Variants in SLC30A8 observed in about 807,000 individuals in gnomAD.
SLC30A8 encodes solute carrier family 30 member 8, also known as proton-coupled zinc antiporter SLC30A8.
In SLC30A8, 27 loss-of-function variants were observed where a neutral mutation model predicts 36.9. The ratio of observed to expected loss-of-function variants is 0.73; its 90% CI spans 0.54 to 1.01. SLC30A8 has a LOEUF of 1.01. Ranked by LOEUF, SLC30A8 falls within the 50% of genes least tolerant of loss-of-function variation. The probability of loss-of-function intolerance (pLI) is 0.00; values close to 1 mark genes in which losing one functional copy is unlikely to be tolerated. For synonymous variants in SLC30A8, 164 were observed against 172.4 expected (o/e 0.95, Z 0.38); for missense variants, 439 against 452.0 (o/e 0.97, Z 0.26).
In SLC30A8 at chr8:117,174,130, G is replaced by A. The variant is rs1823546235; in HGVS notation, c.*1449G>A. ...TGATTTTTAAAACTACATACTTTTT[G>A]CAACTTTATGGTTATGAGTATTGTA... On this transcript the variant is annotated 3_prime_UTR_variant, in exon 8 of 8. Transcript: ENST00000456015. 2.0e-5 allele frequency: 3 copies of A among 152,062 alleles called. No individual in the cohort carries two copies. The highest frequency in any genetic ancestry group is 4.8e-5 in the African/African-American group (2 of 41,404). The allele number at this position is 152,062 out of a possible 1,614,324, so 9.4% of individuals were successfully genotyped here. A position where few individuals can be genotyped will look rare whatever the true frequency, so the allele number is the denominator to read the frequency against.
intron 1 of SLC30A8, among the ~76,000 whole-genome samples, chr8:116,967,566 T>C (rs1325992527): frequency 1.3e-5 from 2 of 152,190 alleles, no homozygotes; most frequent in Non-Finnish European, 2.9e-5. Flanking sequence ...ATCTGCAACA[T>C]GTAATACTGT....
chr8:117,001,204 C>CT (rs34639384), intron 1 of SLC30A8, among the ~76,000 whole-genome samples: 28,031 of 78,246 alleles, frequency 0.36, 4,253 homozygotes, highest in Non-Finnish European at 0.45. Flanking sequence ...TTGCTAGGGG[C>CT]TTTTTTTTTT....
At chr8:117,149,419 C>T (rs1006237534) in intron 2 of SLC30A8, among the ~76,000 whole-genome samples, 1 of 151,942 alleles carries the variant, frequency 6.6e-6, no homozygotes, top group Admixed American at 6.6e-5. Flanking sequence ...TTAATTAATC[C>T]CGGTGAATTC....
At chr8:117,022,276 A>G (rs917802548) in intron 1 of SLC30A8, among the ~76,000 whole-genome samples, 11 of 152,126 alleles carry the variant, frequency 7.2e-5, no homozygotes, top group African/African-American at 2.7e-4. Context: ...AAATTTTTTT[A>G]AACAGGTCAA....
intron 1 of SLC30A8, among the ~76,000 whole-genome samples, chr8:117,018,673 C>T (rs1009687719): frequency 2.6e-3 from 325 of 124,994 alleles, no homozygotes; most frequent in African/African-American, 9.2e-3. Flanking sequence ...GCCCCCCCCC[C>T]CCTTTTTTTT....
intron 6 of SLC30A8, among the ~76,000 whole-genome samples, chr8:117,170,391 T>C (rs1823310893): frequency 6.6e-6 from 1 of 152,184 alleles, no homozygotes; most frequent in African/African-American, 2.4e-5. Flanking sequence ...ACATCTCTTC[T>C]ACAGCATCCT....
intron 1 of SLC30A8, among the ~76,000 whole-genome samples, chr8:116,961,353 C>CG (rs1814412570): frequency 6.6e-6 from 1 of 152,060 alleles, no homozygotes; most frequent in Non-Finnish European, 1.5e-5. Context: ...GGCTTAAACC[C>CG]GGGAGGCAGA....
chr8:117,070,161 G>C (rs1190046021), intron 2 of SLC30A8, among the ~76,000 whole-genome samples: 1 of 152,108 alleles, frequency 6.6e-6, no homozygotes, highest in African/African-American at 2.4e-5. Context: ...TGATTGCTGA[G>C]AAACAAAACA....
At chr8:117,054,712 T>TCC (rs1476476800) in intron 2 of SLC30A8, among the ~76,000 whole-genome samples, 3 of 149,418 alleles carry the variant, frequency 2.0e-5, no homozygotes. Flanking sequence ...ATATGAGGTA[T>TCC]TCCAGAAAAA....
At chr8:117,001,068 C>T (rs900637943) in intron 1 of SLC30A8, among the ~76,000 whole-genome samples, 1 of 151,984 alleles carries the variant, frequency 6.6e-6, no homozygotes, top group Non-Finnish European at 1.5e-5. Context: ...CCTTACCTTC[C>T]GTGTATCAGG....
At chr8:117,050,343 G>C (rs186941291) in intron 2 of SLC30A8, among the ~76,000 whole-genome samples, 1 of 152,212 alleles carries the variant, frequency 6.6e-6, no homozygotes, top group Admixed American at 6.5e-5. Flanking sequence ...ATGCAAATGA[G>C]GGGGAGCAAG....
intron 1 of SLC30A8, among the ~76,000 whole-genome samples, chr8:116,985,284 T>TCACACACA (rs1248530764): frequency 7.4e-5 from 9 of 121,290 alleles, no homozygotes; most frequent in African/African-American, 3.0e-4. Flanking sequence ...ATGTGCATGC[T>TCACACACA]CACACACATA....
intron 2 of SLC30A8, among the ~76,000 whole-genome samples, chr8:117,076,080 A>G (rs1205813936): frequency 6.6e-6 from 1 of 152,104 alleles, no homozygotes; most frequent in Non-Finnish European, 1.5e-5. Context: ...ATTTAAACCA[A>G]TTTTAATTCT....
At chr8:116,966,494 T>C (rs1310486860) in intron 1 of SLC30A8, among the ~76,000 whole-genome samples, 5 of 152,070 alleles carry the variant, frequency 3.3e-5, no homozygotes, top group African/African-American at 9.7e-5. Flanking sequence ...CCTATAAACA[T>C]GTTTTGCCTT....
chr8:117,105,897 A>G (rs995549391), intron 2 of SLC30A8, among the ~76,000 whole-genome samples: 1 of 152,174 alleles, frequency 6.6e-6, no homozygotes, highest in Non-Finnish European at 1.5e-5. Flanking sequence ...TTTCCAGATT[A>G]TTTCTCTTAA....
intron 1 of SLC30A8, among the ~76,000 whole-genome samples, chr8:116,997,717 G>A (rs1323012147): frequency 6.6e-6 from 1 of 152,170 alleles, no homozygotes; most frequent in East Asian, 1.9e-4. Flanking sequence ...TTTGGAATGA[G>A]GAACAGGTAG....
At chr8:117,004,523 C>T (rs1816110696) in intron 1 of SLC30A8, among the ~76,000 whole-genome samples, 1 of 152,016 alleles carries the variant, frequency 6.6e-6, no homozygotes, top group Non-Finnish European at 1.5e-5. Context: ...GAGCGTGTCC[C>T]TGTCTATATG....
At chr8:116,966,037 C>A (rs1161176197) in intron 1 of SLC30A8, among the ~76,000 whole-genome samples, 1 of 151,974 alleles carries the variant, frequency 6.6e-6, no homozygotes, top group Non-Finnish European at 1.5e-5. Flanking sequence ...GCACACACCA[C>A]CATGCCTGGC....
intron 1 of SLC30A8, among the ~76,000 whole-genome samples, chr8:117,005,623 A>G (rs960048667): frequency 1.3e-5 from 2 of 152,188 alleles, no homozygotes; most frequent in African/African-American, 4.8e-5. Context: ...TGATAACTCT[A>G]TGTTTAACCT....
Sources: gnomAD v4.1 joint callset for allele counts (sites outside exome capture counted in the v4.1 genomes callset) on GRCh38, gnomAD v4.1.1 for gene constraint, MANE v1.5 for transcripts, NCBI Gene and HGNC (gene_info 2026-07-23, HGNC 2026-07-21) for gene names.